The following MAP2K6 variants were observed in gnomAD, a reference collection of about 807,000 sequenced individuals.
The protein encoded by MAP2K6 is dual specificity mitogen-activated protein kinase kinase 6.
MAP2K6 carries 16 observed loss-of-function variants against 53.7 expected under a neutral mutation model. That is an observed-to-expected ratio of 0.30 (90% CI 0.20 to 0.45). The LOEUF is 0.45. Ranked by LOEUF, MAP2K6 falls within the 20% of genes least tolerant of loss-of-function variation. The probability of loss-of-function intolerance (pLI) is 1.00; values close to 1 mark genes in which losing one functional copy is unlikely to be tolerated. For synonymous variants in MAP2K6, 132 were observed against 143.1 expected (o/e 0.92, Z 0.55); for missense variants, 204 against 411.9 (o/e 0.50, Z 4.37).
chr17:69,510,936 T>G (rs1393229525), intron 2 of MAP2K6, among the ~76,000 whole-genome samples: 1 of 152,166 alleles, frequency 6.6e-6, no homozygotes, highest in Non-Finnish European at 1.5e-5. Flanking sequence ...ATTTTCAATT[T>G]TATTGCTTTC....
At chr17:69,534,562 C>CT (rs1223900212) in intron 10 of MAP2K6, among the ~76,000 whole-genome samples, 1,741 of 117,302 alleles carry the variant, frequency 0.015, 28 homozygotes, top group African/African-American at 0.041. Context: ...TTCTCTCTCT[C>CT]TTTTTTTTTT....
At chr17:69,512,456 C>T (rs1349937941) in intron 2 of MAP2K6, among the ~76,000 whole-genome samples, 1 of 150,006 alleles carries the variant, frequency 6.7e-6, no homozygotes, top group Non-Finnish European at 1.5e-5. Flanking sequence ...TCTCCTGCCT[C>T]AGCCTCCCAA....
At chr17:69,501,404 T>C (rs1909168284) in intron 1 of MAP2K6, among the ~76,000 whole-genome samples, 1 of 152,194 alleles carries the variant, frequency 6.6e-6, no homozygotes, top group Non-Finnish European at 1.5e-5. Flanking sequence ...TCTCAGAGTG[T>C]GTGCAAGACC....
At chr17:69,464,615 C>CA (rs572427694) in intron 1 of MAP2K6, among the ~76,000 whole-genome samples, 11 of 152,224 alleles carry the variant, frequency 7.2e-5, no homozygotes, top group African/African-American at 2.6e-4. Flanking sequence ...CTCCTGACCT[C>CA]AAGTGATCCG....
At chr17:69,507,757 G>C (rs1016287536) in intron 2 of MAP2K6, among the ~76,000 whole-genome samples, 3 of 152,030 alleles carry the variant, frequency 2.0e-5, no homozygotes, top group African/African-American at 7.2e-5. Context: ...TCCATTTTTG[G>C]CTATTATGAA....
chr17:69,516,800 G>A (rs1363271649), intron 2 of MAP2K6, 55 bp from the exon 3 acceptor site: 13 of 1,287,578 alleles, frequency 1.0e-5, no homozygotes, highest in Non-Finnish European at 1.5e-5. Context: ...GATTTGGGAA[G>A]GACATAATTG....
chr17:69,513,782 A>G (rs1211869767), intron 2 of MAP2K6, among the ~76,000 whole-genome samples: 1 of 152,208 alleles, frequency 6.6e-6, no homozygotes, highest in African/African-American at 2.4e-5. Flanking sequence ...GCAAAAAAAC[A>G]GTTGCAGCCC....
chr17:69,415,692 G>T (rs1293502001), intron 1 of MAP2K6, among the ~76,000 whole-genome samples: 1 of 152,098 alleles, frequency 6.6e-6, no homozygotes, highest in African/African-American at 2.4e-5. Flanking sequence ...CTGCCCATTT[G>T]GGGGATGCTT....
At chr17:69,448,679 AGG>A (rs1746648607) in intron 1 of MAP2K6, among the ~76,000 whole-genome samples, 1 of 152,082 alleles carries the variant, frequency 6.6e-6, no homozygotes, top group Admixed American at 6.5e-5. Flanking sequence ...GGTAATGAGA[AGG>A]CTCCTTCTCC....
chr17:69,431,241 A>G (rs761511472), intron 1 of MAP2K6, among the ~76,000 whole-genome samples: 20 of 152,184 alleles, frequency 1.3e-4, no homozygotes, highest in South Asian at 6.2e-4. Context: ...TTTAAACACT[A>G]AAGTTCATGC....
At chr17:69,501,319 G>A (rs1909163762) in intron 1 of MAP2K6, among the ~76,000 whole-genome samples, 1 of 152,146 alleles carries the variant, frequency 6.6e-6, no homozygotes. Context: ...TTCTCATGCT[G>A]TTTGGGTTGG....
intron 1 of MAP2K6, 106 bp from the exon 2 acceptor site, chr17:69,505,674 A>C: frequency 1.1e-6 from 1 of 871,554 alleles, no homozygotes; most frequent in Admixed American, 1.7e-5. Context: ...GAATGGAGAC[A>C]TGAGAGCTGC....
chr17:69,546,786 T>C lies in MAP2K6; in HGVS notation c.*5033T>C, dbSNP rs1911894574. 1 of 152,228 alleles carries C rather than the reference T, an allele frequency of 6.6e-6. No homozygotes were observed. The highest frequency in any genetic ancestry group is 2.4e-5 in the African/African-American group (1 of 41,458). 9.4% of individuals were successfully genotyped at this position (152,228 alleles called of 1,614,324 possible). On this transcript the variant is annotated 3_prime_UTR_variant, in exon 12 of 12. Coordinates refer to ENST00000590474, the MANE Select transcript of MAP2K6 (RefSeq NM_002758.4). ...AAGAGGGATTTGTTGGCTCAAAGGA[T>C]CTTCTGCTTTTAATGAATTAGCAAG...
At chr17:69,497,690 C>A (rs71375729) in intron 1 of MAP2K6, among the ~76,000 whole-genome samples, 1 of 152,152 alleles carries the variant, frequency 6.6e-6, no homozygotes, top group Admixed American at 6.5e-5. Flanking sequence ...TTCAGTTTGT[C>A]CAGAGTAGAA....
At chr17:69,442,949 C>T (rs1222657980) in intron 1 of MAP2K6, among the ~76,000 whole-genome samples, 1 of 152,112 alleles carries the variant, frequency 6.6e-6, no homozygotes, top group Non-Finnish European at 1.5e-5. Flanking sequence ...AGCTCTTGGT[C>T]TTCTATTAAT....
At chr17:69,425,473 C>A (rs925854974) in intron 1 of MAP2K6, among the ~76,000 whole-genome samples, 4 of 152,092 alleles carry the variant, frequency 2.6e-5, no homozygotes, top group African/African-American at 4.8e-5. Context: ...CCACCACACC[C>A]AGCTACTTTT....
intron 1 of MAP2K6, among the ~76,000 whole-genome samples, chr17:69,428,210 G>A (rs1031473478): frequency 2.0e-5 from 3 of 152,192 alleles, no homozygotes; most frequent in Non-Finnish European, 4.4e-5. Flanking sequence ...CTTAAACCAC[G>A]GAAATTAATT....
chr17:69,505,484 A>G (rs997969953), intron 1 of MAP2K6: 2 of 234,514 alleles, frequency 8.5e-6, no homozygotes, highest in African/African-American at 2.3e-5. Context: ...ACAAATTCTC[A>G]GTGGGGAGAA....
At chr17:69,513,346 A>G (rs1370140322) in intron 2 of MAP2K6, among the ~76,000 whole-genome samples, 2 of 152,214 alleles carry the variant, frequency 1.3e-5, no homozygotes, top group African/African-American at 4.8e-5. Flanking sequence ...CCAGTTTTTT[A>G]TATTTCCTTC....
Sources: gnomAD v4.1 joint callset for allele counts (sites outside exome capture counted in the v4.1 genomes callset) on GRCh38, gnomAD v4.1.1 for gene constraint, MANE v1.5 for transcripts, NCBI Gene and HGNC (gene_info 2026-07-23, HGNC 2026-07-21) for gene names.